TEX36: variants seen among roughly 807,000 people sequenced by gnomAD.
The protein encoded by TEX36 is testis expressed 36.
Under a neutral mutation model 13.6 loss-of-function variants are expected in TEX36, and 12 were observed. The observed-to-expected ratio is 0.88, with a 90% CI of 0.56 to 1.43. The LOEUF (loss-of-function observed/expected upper bound fraction) is 1.43, where lower values mean the gene tolerates loss of function less well. Ranked by LOEUF, TEX36 falls within the 40% of genes most tolerant of loss-of-function variation. TEX36 has a pLI of 0.00. For synonymous variants in TEX36, 93 were observed against 83.0 expected, an observed-to-expected ratio of 1.12 and a Z score of -0.65; for missense variants, 224 against 228.3, an observed-to-expected ratio of 0.98 and a Z score of 0.12.
At chr10:125,604,687 C>T (rs1324238273) in intron 3 of TEX36, among the ~76,000 whole-genome samples, 1 of 152,124 alleles carries the variant, frequency 6.6e-6, no homozygotes, top group Non-Finnish European at 1.5e-5. Flanking sequence ...TGACATGTGC[C>T]TGTAGTCCCA....
At chr10:125,661,127 G>A in intron 2 of TEX36, 26 bp from the exon 3 acceptor site, 3 of 1,531,642 alleles carry the variant, frequency 2.0e-6, no homozygotes, top group Non-Finnish European at 1.8e-6. Context: ...GGAAGGGAAA[G>A]AGCACACATT....
chr10:125,651,389 C>T (rs767786016), downstream of TEX36, among the ~76,000 whole-genome samples: 1 of 152,178 alleles, frequency 6.6e-6, no homozygotes, highest in Non-Finnish European at 1.5e-5. Context: ...AAACCAAAGA[C>T]AAAAACCACA....
intron 3 of TEX36, among the ~76,000 whole-genome samples, chr10:125,605,399 C>A (rs530962693): frequency 1.3e-5 from 2 of 151,908 alleles, no homozygotes; most frequent in South Asian, 4.2e-4. Flanking sequence ...GTCAGTTAAT[C>A]TCCACACGCA....
chr10:125,595,354 C>G (rs1048010300), intron 3 of TEX36, among the ~76,000 whole-genome samples: 1 of 152,146 alleles, frequency 6.6e-6, no homozygotes, highest in African/African-American at 2.4e-5. Flanking sequence ...GCTAGCATCA[C>G]ATTGATATCA....
chr10:125,613,616 C>A (rs377303642), intron 3 of TEX36, among the ~76,000 whole-genome samples: 1 of 151,636 alleles, frequency 6.6e-6, no homozygotes, highest in Non-Finnish European at 1.5e-5. Flanking sequence ...GAACTCATCA[C>A]TTTTTATGGC....
intron 1 of TEX36, among the ~76,000 whole-genome samples, chr10:125,670,375 T>G (rs1482091435): frequency 6.6e-6 from 1 of 152,252 alleles, no homozygotes; most frequent in Non-Finnish European, 1.5e-5. Context: ...ATATGTTTGT[T>G]GGCCGCATAA....
At chr10:125,674,658 C>T (rs1847285251) in intron 1 of TEX36, among the ~76,000 whole-genome samples, 1 of 152,190 alleles carries the variant, frequency 6.6e-6, no homozygotes, top group Admixed American at 6.5e-5. Flanking sequence ...GTTTGTCTTT[C>T]CTTTAACAGT....
chr10:125,587,957 A>T (rs972205727), intron 3 of TEX36, among the ~76,000 whole-genome samples: 1 of 151,992 alleles, frequency 6.6e-6, no homozygotes, highest in African/African-American at 2.4e-5. Flanking sequence ...GCCGCTAAGG[A>T]TTCCTTTTTT....
At chr10:125,667,832 A>G in intron 1 of TEX36, 4 of 1,432,120 alleles carry the variant, frequency 2.8e-6, no homozygotes, top group Non-Finnish European at 3.9e-6. Flanking sequence ...CCGCTTGGCA[A>G]TGCTCCCAGT....
At chr10:125,640,594 A>G (rs1205180935) in intron 3 of TEX36, among the ~76,000 whole-genome samples, 2 of 152,208 alleles carry the variant, frequency 1.3e-5, no homozygotes, top group African/African-American at 4.8e-5. Context: ...TAAAGGCAAT[A>G]CACAGCATTT....
intron 3 of TEX36, among the ~76,000 whole-genome samples, chr10:125,624,815 G>C (rs1362522313): frequency 1.3e-5 from 2 of 152,094 alleles, no homozygotes; most frequent in Admixed American, 6.5e-5. Context: ...CCCAGGGAAA[G>C]TGACTGTCCT....
At chr10:125,648,575 A>T (rs1846807186) in intron 3 of TEX36, among the ~76,000 whole-genome samples, 1 of 152,252 alleles carries the variant, frequency 6.6e-6, no homozygotes, top group Non-Finnish European at 1.5e-5. Context: ...AAAAGCTGAA[A>T]ATTCTAAAAA....
intron 3 of TEX36, among the ~76,000 whole-genome samples, chr10:125,589,315 C>T (rs1003834032): frequency 9.9e-5 from 15 of 152,160 alleles, no homozygotes; most frequent in African/African-American, 3.4e-4. Context: ...AATTACCACC[C>T]GTATCTCCTT....
At chr10:125,596,818 C>A (rs1565170184) in intron 3 of TEX36, among the ~76,000 whole-genome samples, 1 of 152,174 alleles carries the variant, frequency 6.6e-6, no homozygotes, top group Non-Finnish European at 1.5e-5. Flanking sequence ...AGTGCTGTTT[C>A]AAGCACAGCT....
At position 125,580,819 on chromosome 10, in the gene TEX36, A is replaced by G. The variant is rs1050849238; in HGVS notation, c.265-3945T>C. The stretch of plus-strand genomic sequence containing the variant: ...CATCACCCTGACTACCATGATTGGC[A>G]TAGGGATGGTCACATGACACAACCA... On this transcript the variant is annotated intron_variant, in intron 3 of 3. Transcript: ENST00000532135. 1.1e-4 allele frequency among the ~76,000 whole-genome samples: 17 copies of G among 152,278 alleles called. No individual in the cohort carries two copies. In the East Asian group the frequency reaches 3.1e-3, roughly 28 times the overall value.
chr10:125,635,679 A>G (rs780865674), intron 3 of TEX36, among the ~76,000 whole-genome samples: 3 of 151,882 alleles, frequency 2.0e-5, no homozygotes, highest in Non-Finnish European at 4.4e-5. Flanking sequence ...CGCAGTGTCC[A>G]CTCATGTCCT....
In TEX36 at chr10:125,613,386, C is replaced by T. The variant is rs962325996; in HGVS notation, c.265-36512G>A. Among the ~76,000 whole-genome samples the T allele has an allele frequency of 6.0e-5, 9 of 148,890 alleles. No individual in the cohort carries two copies. In the Admixed American group the frequency reaches 6.1e-4, roughly 10 times the overall value. On this transcript the variant is annotated intron_variant, in intron 3 of 3. Transcript: ENST00000532135. ...TGCTGGGGCGCTGCACCCACTAACTCGTCATCTAGCATTAGGTATATCTCC... is the reference window on the plus strand; with the variant it reads ...TGCTGGGGCGCTGCACCCACTAACTTGTCATCTAGCATTAGGTATATCTCC...
intron 3 of TEX36, among the ~76,000 whole-genome samples, chr10:125,625,257 G>A (rs1323474021): frequency 6.6e-6 from 1 of 152,168 alleles, no homozygotes; most frequent in Non-Finnish European, 1.5e-5. Context: ...CCCAATTCCA[G>A]GCCCAGCACA....
chr10:125,611,937 G>A (rs1003481729), intron 3 of TEX36, among the ~76,000 whole-genome samples: 1 of 151,816 alleles, frequency 6.6e-6, no homozygotes, highest in Non-Finnish European at 1.5e-5. Context: ...GATACCTGCT[G>A]TCATAGCACT....
Sources: allele counts gnomAD v4.1 joint callset (sites outside exome capture counted in the v4.1 genomes callset), GRCh38; gene constraint gnomAD v4.1.1; transcripts MANE v1.5; gene names NCBI Gene and HGNC (gene_info 2026-07-23, HGNC 2026-07-21).